SLC25A13: variants seen among roughly 807,000 people sequenced by gnomAD.
The protein encoded by SLC25A13 is solute carrier family 25 member 13.
Under a neutral mutation model 85.5 loss-of-function variants are expected in SLC25A13, and 70 were observed. That is an observed-to-expected ratio of 0.82 (90% confidence interval 0.68 to 1.00). SLC25A13 has a LOEUF of 1.00. SLC25A13 is among the 50% of genes least tolerant of loss of function. The pLI is 0.00. For synonymous variants in SLC25A13, 259 were observed against 288.7 expected (o/e 0.90, Z 1.04); for missense variants, 765 against 819.8 (o/e 0.93, Z 0.82).
At chr7:96,195,192 C>T (rs1011557200) in intron 5 of SLC25A13, among the ~76,000 whole-genome samples, 2 of 152,168 alleles carry the variant, frequency 1.3e-5, no homozygotes, top group African/African-American at 2.4e-5. Flanking sequence ...ATCGCTAACC[C>T]CATATTGTAG....
intron 2 of SLC25A13, among the ~76,000 whole-genome samples, chr7:96,290,934 A>G (rs1799094815): frequency 6.6e-6 from 1 of 152,216 alleles, no homozygotes; most frequent in African/African-American, 2.4e-5. Flanking sequence ...CAGACCTAAC[A>G]GACATCTACA....
intron 5 of SLC25A13, among the ~76,000 whole-genome samples, chr7:96,208,178 C>A (rs972316182): frequency 1.3e-5 from 2 of 152,120 alleles, no homozygotes; most frequent in African/African-American, 2.4e-5. Flanking sequence ...AGTAACACAG[C>A]GAGTCACAAG....
rs530329440 is a variant in SLC25A13, at chr7:96,190,676, G to C, written c.754+433C>G. On this transcript the variant is annotated intron_variant, in intron 7 of 17. Transcript: ENST00000265631. The stretch of plus-strand genomic sequence containing the variant: ...TGCCCAGGCTGGAGTGCAGTGGCGT[G>C]ATCTCGGCTCACTGCAACCTTCGCC... Among the ~76,000 whole-genome samples the C allele has an allele frequency of 2.0e-5, 3 of 152,086 alleles. No homozygotes were observed. The East Asian group carries it at 5.8e-4, about 30-fold the overall frequency.
intron 1 of SLC25A13, among the ~76,000 whole-genome samples, chr7:96,311,544 G>A (rs1799950837): frequency 6.6e-6 from 1 of 152,152 alleles, no homozygotes; most frequent in Non-Finnish European, 1.5e-5. Flanking sequence ...CCAAAAAGGG[G>A]GCAGGAAAAC....
chr7:96,254,022 T>C (rs1797531938), intron 3 of SLC25A13, among the ~76,000 whole-genome samples: 1 of 152,144 alleles, frequency 6.6e-6, no homozygotes, highest in Non-Finnish European at 1.5e-5. Context: ...GTGCTGTATG[T>C]GTGTGTGCGC....
intron 15 of SLC25A13, among the ~76,000 whole-genome samples, chr7:96,123,786 G>A (rs1791615038): frequency 6.6e-6 from 1 of 152,174 alleles, no homozygotes; most frequent in African/African-American, 2.4e-5. Flanking sequence ...GCAAGGCTGG[G>A]AAAGCAGCAG....
intron 13 of SLC25A13, among the ~76,000 whole-genome samples, chr7:96,160,837 G>A (rs954527082): frequency 6.6e-6 from 1 of 152,192 alleles, no homozygotes; most frequent in African/African-American, 2.4e-5. Flanking sequence ...GCCTCTCATT[G>A]GAGTAGGCAA....
intron 4 of SLC25A13, among the ~76,000 whole-genome samples, chr7:96,217,870 G>A (rs1046390404): frequency 1.3e-5 from 2 of 148,552 alleles, no homozygotes; most frequent in African/African-American, 5.0e-5. Context: ...TACTTTAAAT[G>A]GGTAAATTAT....
At chr7:96,204,114 T>G (rs944925037) in intron 5 of SLC25A13, among the ~76,000 whole-genome samples, 4 of 152,218 alleles carry the variant, frequency 2.6e-5, no homozygotes, top group African/African-American at 9.7e-5. Flanking sequence ...AAATTACTGG[T>G]AAATGCAAAA....
intron 11 of SLC25A13, among the ~76,000 whole-genome samples, chr7:96,181,688 C>T (rs1420082201): frequency 6.6e-6 from 1 of 152,148 alleles, no homozygotes; most frequent in Non-Finnish European, 1.5e-5. Context: ...TGAGCAATTA[C>T]ATAGGCCTTG....
intron 3 of SLC25A13, among the ~76,000 whole-genome samples, chr7:96,247,371 C>T (rs1024161828): frequency 1.3e-5 from 2 of 151,908 alleles, no homozygotes; most frequent in African/African-American, 4.8e-5. Context: ...AAAAAAAGTG[C>T]CCATGTGTTG....
chr7:96,166,806 T>C (rs1323604157), intron 13 of SLC25A13: 3 of 152,198 alleles, frequency 2.0e-5, no homozygotes, highest in African/African-American at 7.2e-5. Context: ...CTCTGTCTTC[T>C]GACACACACG....
At chr7:96,135,427 A>G (rs994411173) in intron 14 of SLC25A13, among the ~76,000 whole-genome samples, 3 of 152,356 alleles carry the variant, frequency 2.0e-5, no homozygotes, top group Admixed American at 6.5e-5. Flanking sequence ...GGTCTTAGGC[A>G]TAAAGGCAGG....
intron 2 of SLC25A13, among the ~76,000 whole-genome samples, chr7:96,295,013 C>T (rs1799294448): frequency 6.6e-6 from 1 of 152,158 alleles, no homozygotes; most frequent in South Asian, 2.1e-4. Context: ...GGACACCTTT[C>T]ATATAAGTTA....
intron 1 of SLC25A13, among the ~76,000 whole-genome samples, chr7:96,314,566 C>T (rs1273950732): frequency 6.6e-6 from 1 of 152,110 alleles, no homozygotes; most frequent in Non-Finnish European, 1.5e-5. Flanking sequence ...GGCAAACCCA[C>T]AGAGTCTTAT....
At chr7:96,258,137 C>G (rs1352736382) in intron 3 of SLC25A13, among the ~76,000 whole-genome samples, 28 of 152,196 alleles carry the variant, frequency 1.8e-4, no homozygotes, top group Admixed American at 1.8e-3. Flanking sequence ...AAACTGGAAG[C>G]ATTCCCTTTG....
At chr7:96,190,082 AT>A (rs765043025) in intron 7 of SLC25A13, among the ~76,000 whole-genome samples, 6,019 of 132,174 alleles carry the variant, frequency 0.046, 303 homozygotes, top group African/African-American at 0.14. Context: ...GGGAATTCTG[AT>A]TTTTTTTTTT....
intron 3 of SLC25A13, among the ~76,000 whole-genome samples, chr7:96,242,776 C>A (rs532229901): frequency 6.6e-6 from 1 of 152,324 alleles, no homozygotes; most frequent in East Asian, 1.9e-4. Flanking sequence ...GTTGTCCCAC[C>A]TTTCTGGACA....
At chr7:96,305,767 T>C (rs1171236562) in intron 1 of SLC25A13, among the ~76,000 whole-genome samples, 1 of 152,122 alleles carries the variant, frequency 6.6e-6, no homozygotes, top group Non-Finnish European at 1.5e-5. Flanking sequence ...ATTTAATAAA[T>C]ACAGAGGAAG....
Sources: gnomAD v4.1 joint callset for allele counts (sites outside exome capture counted in the v4.1 genomes callset) on GRCh38, gnomAD v4.1.1 for gene constraint, MANE v1.5 for transcripts, NCBI Gene and HGNC (gene_info 2026-07-23, HGNC 2026-07-21) for gene names.